The following RBPMS variants were observed in gnomAD, a reference collection of about 807,000 sequenced individuals.
The protein encoded by RBPMS is RNA binding protein, mRNA processing factor.
In RBPMS, 7 loss-of-function variants were observed where a neutral mutation model predicts 26.8. The ratio of observed to expected loss-of-function variants is 0.26; its 90% CI spans 0.15 to 0.49. RBPMS has a LOEUF of 0.49. Among genes scored for constraint, RBPMS ranks in the 20% least tolerant of loss-of-function variants. RBPMS has a pLI of 0.98. For synonymous variants in RBPMS, 96 were observed against 93.3 expected (o/e 1.03, Z -0.17); for missense variants, 186 against 250.0 (o/e 0.74, Z 1.73).
chr8:30,529,494 C>G (rs145565551), intron 5 of RBPMS, among the ~76,000 whole-genome samples: 1,716 of 151,692 alleles, frequency 0.011, 38 homozygotes, highest in African/African-American at 0.038. Context: ...AAGAGCAAAA[C>G]TCCACCTAAA....
intron 1 of RBPMS, among the ~76,000 whole-genome samples, chr8:30,442,343 T>C (rs1367874003): frequency 6.6e-6 from 1 of 152,130 alleles, no homozygotes; most frequent in Non-Finnish European, 1.5e-5. Flanking sequence ...CCTCACCAAG[T>C]CTCAGTCGCT....
At chr8:30,560,163 T>C (rs542905751) in intron 7 of RBPMS, among the ~76,000 whole-genome samples, 2 of 152,296 alleles carry the variant, frequency 1.3e-5, no homozygotes, top group Admixed American at 6.5e-5. Context: ...CTAGGGTTTA[T>C]TGTGCACAGG....
intron 1 of RBPMS, among the ~76,000 whole-genome samples, chr8:30,426,815 T>C (rs1035476100): frequency 6.6e-6 from 1 of 152,116 alleles, no homozygotes; most frequent in African/African-American, 2.4e-5. Flanking sequence ...TTTGAGAGTC[T>C]GGTGAAGCCT....
At chr8:30,529,013 C>T (rs543745296) in intron 5 of RBPMS, among the ~76,000 whole-genome samples, 17 of 151,628 alleles carry the variant, frequency 1.1e-4, no homozygotes, top group African/African-American at 2.9e-4. Context: ...GTTAGGAGTT[C>T]GAGACCAGCC....
At chr8:30,432,777 AC>A (rs746758246) in intron 1 of RBPMS, among the ~76,000 whole-genome samples, 6 of 151,414 alleles carry the variant, frequency 4.0e-5, no homozygotes, top group Non-Finnish European at 8.8e-5. Context: ...GTTATTGTTG[AC>A]CACCTTGTTC....
At chr8:30,550,950 A>T (rs950155694) in intron 6 of RBPMS, among the ~76,000 whole-genome samples, 3 of 152,192 alleles carry the variant, frequency 2.0e-5, no homozygotes, top group African/African-American at 7.2e-5. Context: ...GAGAAACTGG[A>T]GAAAGAATCA....
At chr8:30,458,022 A>G (rs1026871166) in intron 1 of RBPMS, among the ~76,000 whole-genome samples, 8 of 152,194 alleles carry the variant, frequency 5.3e-5, no homozygotes, top group African/African-American at 1.9e-4. Flanking sequence ...TGGATGCCCA[A>G]GTCTCTGATA....
chr8:30,511,486 AATATATATAT>A (rs869100800), intron 5 of RBPMS, among the ~76,000 whole-genome samples: 2,922 of 22,574 alleles, frequency 0.13, 45 homozygotes, highest in South Asian at 0.19. Context: ...AAAAAAAAAA[AATATATATAT>A]ATATATATAT....
intron 1 of RBPMS, among the ~76,000 whole-genome samples, chr8:30,432,242 T>C (rs916769675): frequency 2.0e-5 from 3 of 152,250 alleles, no homozygotes; most frequent in Non-Finnish European, 2.9e-5. Flanking sequence ...TTAAATAAAC[T>C]GACTCTCCCG....
intron 5 of RBPMS, among the ~76,000 whole-genome samples, chr8:30,511,127 C>A (rs1051201987): frequency 6.6e-6 from 1 of 151,698 alleles, no homozygotes; most frequent in Non-Finnish European, 1.5e-5. Flanking sequence ...CCACCCTGGC[C>A]AACATGGTGA....
At chr8:30,524,786 G>C (rs1823407732) in intron 5 of RBPMS, among the ~76,000 whole-genome samples, 1 of 152,052 alleles carries the variant, frequency 6.6e-6, no homozygotes, top group Non-Finnish European at 1.5e-5. Flanking sequence ...CTAACCTTTT[G>C]TATTTTTCAA....
rs1563465111 is a variant in RBPMS, at chr8:30,571,548, G to C, written c.*1023G>C. On this transcript the variant is annotated 3_prime_UTR_variant, in exon 9 of 9. Coordinates refer to ENST00000397323, the MANE Select transcript of RBPMS (RefSeq NM_001008710.3). Reference sequence around the variant, plus strand: ...TGGCTGCAGTGGGCAGCTCATGTCTGTATCTCCAAAGTGATGTTTGTTTGC... The same window carrying C: ...TGGCTGCAGTGGGCAGCTCATGTCTCTATCTCCAAAGTGATGTTTGTTTGC... 6.6e-6 allele frequency: 1 copy of C among 152,296 alleles called. No individual in the cohort carries two copies. The highest frequency in any genetic ancestry group is 1.5e-5 in the Non-Finnish European group (1 of 68,080). 9.4% of individuals were successfully genotyped at this position (152,296 alleles called of 1,614,324 possible).
intron 1 of RBPMS, among the ~76,000 whole-genome samples, chr8:30,390,802 A>C (rs1056775106): frequency 6.6e-6 from 1 of 152,136 alleles, no homozygotes; most frequent in South Asian, 2.1e-4. Context: ...CCAATGTTCA[A>C]CACCTACCCC....
chr8:30,476,580 G>GAA (rs1817715787), intron 2 of RBPMS, among the ~76,000 whole-genome samples: 1 of 152,152 alleles, frequency 6.6e-6, no homozygotes, highest in Non-Finnish European at 1.5e-5. Flanking sequence ...ATGTAAGGAT[G>GAA]AATCAATCTC....
chr8:30,486,494 A>C lies in RBPMS; in HGVS notation c.246+7117A>C, dbSNP rs1818800952. ...AAAAAAAAAAAAAAATTAGCTGGGC[A>C]TGGTGGCGGCTGCCTGTAATTCCAG... On this transcript the variant is annotated intron_variant, in intron 4 of 8. Coordinates refer to ENST00000397323, the MANE Select transcript of RBPMS (RefSeq NM_001008710.3). Among the ~76,000 whole-genome samples, 2 of 151,320 alleles carry C rather than the reference A, an allele frequency of 1.3e-5. 1 individual carries two copies. Among genetic ancestry groups the C allele is most frequent in the South Asian group, 4.2e-4 (2 of 4,800 alleles).
intron 1 of RBPMS, among the ~76,000 whole-genome samples, chr8:30,472,313 T>TAC (rs1817208621): frequency 6.6e-6 from 1 of 152,186 alleles, no homozygotes; most frequent in South Asian, 2.1e-4. Flanking sequence ...ATGAAAAGGG[T>TAC]ACATACTCTG....
At chr8:30,524,545 C>T (rs1823382092) in intron 5 of RBPMS, among the ~76,000 whole-genome samples, 1 of 152,152 alleles carries the variant, frequency 6.6e-6, no homozygotes, top group African/African-American at 2.4e-5. Context: ...TCTCCTTCCA[C>T]TACAGTCCCA....
chr8:30,532,642 A>G (rs1055619764), intron 5 of RBPMS, among the ~76,000 whole-genome samples: 2 of 152,178 alleles, frequency 1.3e-5, no homozygotes, highest in African/African-American at 4.8e-5. Flanking sequence ...ACCTTTCACC[A>G]CCATACGCAT....
intron 5 of RBPMS, among the ~76,000 whole-genome samples, chr8:30,514,977 T>G (rs1171426278): frequency 1.3e-5 from 2 of 152,186 alleles, no homozygotes; most frequent in Non-Finnish European, 2.9e-5. Flanking sequence ...CAATGGATTT[T>G]TAAAAATCTT....
Sources: allele counts gnomAD v4.1 joint callset (sites outside exome capture counted in the v4.1 genomes callset), GRCh38; gene constraint gnomAD v4.1.1; transcripts MANE v1.5; gene names NCBI Gene and HGNC (gene_info 2026-07-23, HGNC 2026-07-21).